The following TRPC6 variants were observed in gnomAD, a reference collection of about 807,000 sequenced individuals.
TRPC6 encodes transient receptor potential cation channel subfamily C member 6, also known as short transient receptor potential channel 6.
A neutral mutation model predicts 90.7 loss-of-function variants in TRPC6; 55 were observed. The ratio of observed to expected loss-of-function variants is 0.61; its 90% CI spans 0.49 to 0.76. TRPC6 has a LOEUF of 0.76. TRPC6 is among the 30% of genes least tolerant of loss of function. TRPC6 has a pLI of 0.00. For synonymous variants in TRPC6, 393 were observed against 393.0 expected (o/e 1.00, Z 0.00); for missense variants, 989 against 1,122.7 (o/e 0.88, Z 1.70).
chr11:101,530,905 T>C (rs1860898131), intron 1 of TRPC6, among the ~76,000 whole-genome samples: 1 of 152,160 alleles, frequency 6.6e-6, no homozygotes, highest in South Asian at 2.1e-4. Context: ...TAATGTAGAA[T>C]CTTGGAAAGT....
intron 10 of TRPC6, among the ~76,000 whole-genome samples, chr11:101,459,411 G>A: frequency 6.6e-6 from 1 of 152,152 alleles, no homozygotes; most frequent in Admixed American, 6.5e-5. Flanking sequence ...TCTCTAGATT[G>A]TTAAACTGAC....
intron 10 of TRPC6, among the ~76,000 whole-genome samples, chr11:101,461,791 A>C (rs1859010834): frequency 6.6e-6 from 1 of 152,166 alleles, no homozygotes; most frequent in Admixed American, 6.5e-5. Context: ...TATCTTCCAG[A>C]ACCCACACCT....
Position 101,583,357 on chromosome 11 carries a change from AGGCAGCGGGGCTTGCG to A in TRPC6, c.131_146del (p.Pro44LeufsTer31), listed in dbSNP as rs1264504331. On this transcript the variant is annotated frameshift_variant, in exon 1 of 13. Coordinates refer to ENST00000344327, the MANE Select transcript of TRPC6 (RefSeq NM_004621.6). LOFTEE classifies it high-confidence loss of function. ...ACAAGCAGGGGTAGTAGCCGTAGCAAGGCAGCGGGGCTTGCGGGCAGCCGTCTTCTCCCAGCTCCGA... is the reference window on the plus strand; with the variant it reads ...ACAAGCAGGGGTAGTAGCCGTAGCAAGGCAGCCGTCTTCTCCCAGCTCCGA... 3 of 1,594,810 alleles carry A rather than the reference AGGCAGCGGGGCTTGCG, an allele frequency of 1.9e-6. No homozygotes were observed. The highest frequency in any genetic ancestry group is 2.6e-6 in the Non-Finnish European group (3 of 1,171,086).
At chr11:101,513,455 C>T (rs141913729) in intron 1 of TRPC6, among the ~76,000 whole-genome samples, 1,721 of 152,204 alleles carry the variant, frequency 0.011, 18 homozygotes, top group Non-Finnish European at 0.018. Flanking sequence ...CGGAAATCAT[C>T]ACTAAAGAAC....
intron 2 of TRPC6, among the ~76,000 whole-genome samples, chr11:101,499,321 C>A (rs1416035349): frequency 6.6e-6 from 1 of 151,858 alleles, no homozygotes; most frequent in Non-Finnish European, 1.5e-5. Context: ...GTTTGCAGAA[C>A]TCAAAATTTT....
chr11:101,512,886 A>C (rs1860427575), intron 1 of TRPC6, among the ~76,000 whole-genome samples: 1 of 151,844 alleles, frequency 6.6e-6, no homozygotes, highest in Non-Finnish European at 1.5e-5. Context: ...ACATTTTCCA[A>C]TTCCTCTGCA....
At chr11:101,490,355 A>G (rs1290608704) in intron 3 of TRPC6, among the ~76,000 whole-genome samples, 1 of 152,220 alleles carries the variant, frequency 6.6e-6, no homozygotes, top group Non-Finnish European at 1.5e-5. Context: ...TCAGAACTGG[A>G]AAAATTGGGA....
rs2136741026 is a variant in TRPC6, at chr11:101,504,172, G to A, written c.797C>T (p.Ser266Leu). ...NDCNQKQKHD[S>L]FSHSRSRINA... ...AATCCTAGATCTGGAGTGGCTAAAC[G>A]AGTCATGCTTCTGTTTCTGGTTGCA... The change falls in exon 2 of 13, where the codon TCG becomes TTG. Residue 266 changes from serine to leucine, a missense_variant. Ser to Leu is a moderately radical substitution (Grantham distance 145, BLOSUM62 -2). Around this residue, in one of 4 missense-constraint regions of TRPC6, gnomAD observed 486 missense variants for 591.9 expected, o/e 0.82. Coordinates refer to ENST00000344327, the MANE Select transcript of TRPC6 (RefSeq NM_004621.6). 1.9e-6 allele frequency: 3 copies of A among 1,614,104 alleles called. No individual in the cohort carries two copies. The highest frequency in any genetic ancestry group is 2.2e-5 in the East Asian group (1 of 44,870).
intron 1 of TRPC6, among the ~76,000 whole-genome samples, chr11:101,506,974 C>T (rs1415577126): frequency 6.7e-6 from 1 of 150,374 alleles, no homozygotes; most frequent in African/African-American, 2.5e-5. Flanking sequence ...CTTCCCATTA[C>T]ACCATACCTT....
chr11:101,532,969 G>T (rs1860940612), intron 1 of TRPC6, among the ~76,000 whole-genome samples: 1 of 152,150 alleles, frequency 6.6e-6, no homozygotes, highest in African/African-American at 2.4e-5. Flanking sequence ...AAGCATCGCA[G>T]AACCTCAGAG....
chr11:101,464,246 G>C (rs1335091913), intron 10 of TRPC6, among the ~76,000 whole-genome samples: 2 of 152,202 alleles, frequency 1.3e-5, no homozygotes, highest in Admixed American at 6.5e-5. Flanking sequence ...GTGCAATGTG[G>C]TGCTGAGAAG....
chr11:101,464,772 G>A (rs1859103089), intron 10 of TRPC6, among the ~76,000 whole-genome samples: 1 of 152,006 alleles, frequency 6.6e-6, no homozygotes, highest in African/African-American at 2.4e-5. Flanking sequence ...CTTTTAATTG[G>A]GGCATTTAGC....
intron 2 of TRPC6, among the ~76,000 whole-genome samples, chr11:101,498,659 C>T (rs1031321910): frequency 1.3e-5 from 2 of 152,074 alleles, no homozygotes; most frequent in East Asian, 1.9e-4. Flanking sequence ...CTTACAAAAT[C>T]GTTATGAAAA....
At chr11:101,467,641 A>G (rs772478358) in intron 10 of TRPC6, among the ~76,000 whole-genome samples, 1 of 152,226 alleles carries the variant, frequency 6.6e-6, no homozygotes, top group Non-Finnish European at 1.5e-5. Context: ...ATTCATGATA[A>G]CCATCATTAT....
chr11:101,524,115 C>T (rs1257441446), intron 1 of TRPC6, among the ~76,000 whole-genome samples: 3 of 152,230 alleles, frequency 2.0e-5, no homozygotes, highest in African/African-American at 4.8e-5. Context: ...TAAAAGTAGC[C>T]TCTCATTCAT....
At chr11:101,490,383 A>C (rs1033299964) in intron 3 of TRPC6, among the ~76,000 whole-genome samples, 2 of 152,196 alleles carry the variant, frequency 1.3e-5, no homozygotes, top group Non-Finnish European at 2.9e-5. Context: ...TGTTTATACT[A>C]TTTGAAAACT....
intron 1 of TRPC6, among the ~76,000 whole-genome samples, chr11:101,509,138 T>G (rs1397862436): frequency 6.6e-6 from 1 of 151,234 alleles, no homozygotes. Context: ...GTCTTTTTCT[T>G]TTTTTTTTGA....
At position 101,499,626 on chromosome 11, in the gene TRPC6, C is replaced by G. The variant is rs567847250; in HGVS notation, c.945+4398G>C. Reference sequence around the variant, plus strand: ...TATATGGTATATATATATACACACACAATATAAAATGTGTATATATATATA... The same window carrying G: ...TATATGGTATATATATATACACACAGAATATAAAATGTGTATATATATATA... On this transcript the variant is annotated intron_variant, in intron 2 of 12. Transcript: ENST00000344327. Among the ~76,000 whole-genome samples, 3 of 118,670 alleles carry G rather than the reference C, an allele frequency of 2.5e-5. No homozygotes were observed. The East Asian group carries it at 6.9e-4, about 27-fold the overall frequency. 77.9% of individuals were successfully genotyped at this position (118,670 alleles called of 152,430 possible).
chr11:101,583,271 G>A lies in TRPC6; in HGVS notation c.170+63C>T. On this transcript the variant is annotated intron_variant, in intron 1 of 12. Coordinates refer to ENST00000344327, the MANE Select transcript of TRPC6 (RefSeq NM_004621.6). ...CGCGCGGACGGACTCGGCCACTCCT[G>A]CGAGCGCACAACCTCCCTCCGCGCA... 16 of 1,522,900 alleles carry A rather than the reference G, an allele frequency of 1.1e-5. No individual in the cohort carries two copies. In the South Asian group the frequency reaches 1.7e-4, roughly 16 times the overall value. The allele number at this position is 1,522,900 out of a possible 1,614,324, so 94.3% of individuals were successfully genotyped here. A position where few individuals can be genotyped will look rare whatever the true frequency, so the allele number is the denominator to read the frequency against.
Sources: allele counts gnomAD v4.1 joint callset (sites outside exome capture counted in the v4.1 genomes callset), GRCh38; gene constraint gnomAD v4.1.1; regional missense constraint gnomAD v4.1.1; transcripts MANE v1.5; gene names NCBI Gene and HGNC (gene_info 2026-07-23, HGNC 2026-07-21).